The following TRPM3 variants were observed in gnomAD, a reference collection of about 807,000 sequenced individuals.
TRPM3 encodes transient receptor potential cation channel subfamily M member 3, also known as long transient receptor potential channel 3.
In TRPM3, 77 loss-of-function variants were observed where a neutral mutation model predicts 181.2. That is an observed-to-expected ratio of 0.42 (90% CI 0.35 to 0.51). The LOEUF (loss-of-function observed/expected upper bound fraction) is 0.51, where lower values mean the gene tolerates loss of function less well. TRPM3 is among the 20% of genes least tolerant of loss of function. TRPM3 has a pLI of 0.01. For synonymous variants in TRPM3, 745 were observed against 796.4 expected (o/e 0.94, Z 1.09); for missense variants, 1,759 against 2,196.7 (o/e 0.80, Z 3.98).
chr9:71,230,704 G>A (rs1927945), intron 1 of TRPM3, among the ~76,000 whole-genome samples: 102,833 of 152,002 alleles, frequency 0.68, 34,894 homozygotes, highest in African/African-American at 0.69. Context: ...CTTGATTTAG[G>A]TTGCTCATGC....
At chr9:70,908,087 C>T (rs1452433457) in intron 1 of TRPM3, among the ~76,000 whole-genome samples, 1 of 152,054 alleles carries the variant, frequency 6.6e-6, no homozygotes, top group East Asian at 1.9e-4. Context: ...GGGATTTAAG[C>T]TCAATGCCAA....
chr9:71,082,848 A>G (rs926537600), intron 1 of TRPM3, among the ~76,000 whole-genome samples: 1 of 152,188 alleles, frequency 6.6e-6, no homozygotes, highest in African/African-American at 2.4e-5. Flanking sequence ...TAAAAACACA[A>G]TAGATATTAA....
intron 1 of TRPM3, among the ~76,000 whole-genome samples, chr9:71,138,800 C>T (rs545948113): frequency 1.3e-5 from 2 of 152,248 alleles, no homozygotes; most frequent in Admixed American, 6.5e-5. Flanking sequence ...TTGATCCCCT[C>T]GGTGTACTTA....
chr9:71,381,867 AAAG>A (rs146284525), intron 1 of TRPM3, among the ~76,000 whole-genome samples: 2,922 of 152,210 alleles, frequency 0.019, 79 homozygotes, highest in South Asian at 0.097. Context: ...CCCAGCACCT[AAAG>A]AAGGGCCTGG....
intron 1 of TRPM3, among the ~76,000 whole-genome samples, chr9:71,029,040 C>T (rs1441324972): frequency 1.3e-5 from 2 of 152,146 alleles, no homozygotes; most frequent in South Asian, 4.1e-4. Context: ...CAAAACAATG[C>T]TCAGCAAATG....
chr9:70,967,737 T>A (rs1205521938), intron 1 of TRPM3, among the ~76,000 whole-genome samples: 1 of 152,104 alleles, frequency 6.6e-6, no homozygotes, highest in Non-Finnish European at 1.5e-5. Context: ...ATTCTTAGCA[T>A]CATTATGATG....
chr9:71,131,621 G>A (rs1190306218), intron 1 of TRPM3, among the ~76,000 whole-genome samples: 1 of 152,100 alleles, frequency 6.6e-6, no homozygotes, highest in Non-Finnish European at 1.5e-5. Context: ...GGTGACTATT[G>A]CTTGTCTATA....
chr9:71,003,206 A>C (rs954228391), intron 1 of TRPM3, among the ~76,000 whole-genome samples: 1 of 142,774 alleles, frequency 7.0e-6, no homozygotes, highest in African/African-American at 2.5e-5. Context: ...AAAAAAAAAA[A>C]AAAAACACTT....
At chr9:70,925,019 A>C (rs1042400909) in intron 1 of TRPM3, among the ~76,000 whole-genome samples, 1 of 152,188 alleles carries the variant, frequency 6.6e-6, no homozygotes, top group African/African-American at 2.4e-5. Context: ...GCCATTTCAT[A>C]ACGTGAATTG....
intron 1 of TRPM3, among the ~76,000 whole-genome samples, chr9:70,898,137 C>T (rs2096310032): frequency 6.7e-6 from 1 of 149,808 alleles, no homozygotes; most frequent in Non-Finnish European, 1.5e-5. Flanking sequence ...TTTTTGGTGG[C>T]TGGGGGACGG....
intron 1 of TRPM3, among the ~76,000 whole-genome samples, chr9:70,880,737 T>C (rs534871398): frequency 2.6e-5 from 4 of 152,294 alleles, no homozygotes; most frequent in African/African-American, 9.6e-5. Context: ...ACCTCATTGA[T>C]AGCTTCCTCA....
chr9:71,355,444 C>T (rs2091855346), intron 1 of TRPM3, among the ~76,000 whole-genome samples: 1 of 152,124 alleles, frequency 6.6e-6, no homozygotes, highest in Non-Finnish European at 1.5e-5. Context: ...ACCACCAGAA[C>T]CTAGGAGAGA....
intron 1 of TRPM3, among the ~76,000 whole-genome samples, chr9:71,353,262 T>A (rs1414565602): frequency 1.3e-5 from 2 of 152,152 alleles, no homozygotes; most frequent in South Asian, 4.1e-4. Flanking sequence ...TGACTCCCTA[T>A]GTTCCTCTAC....
At chr9:70,969,257 C>CGA (rs777331676) in intron 1 of TRPM3, among the ~76,000 whole-genome samples, 124 of 151,822 alleles carry the variant, frequency 8.2e-4, no homozygotes, top group Non-Finnish European at 1.4e-3. Context: ...GGGAACATCA[C>CGA]ACACCAGGGC....
At chr9:70,762,891 A>T (rs1009875757) in intron 7 of TRPM3, among the ~76,000 whole-genome samples, 1 of 152,280 alleles carries the variant, frequency 6.6e-6, no homozygotes, top group Middle Eastern at 3.4e-3. Context: ...AGTGGATCAC[A>T]CCACTGCCTC....
At chr9:71,434,817 T>A (rs959771721) in intron 1 of TRPM3, among the ~76,000 whole-genome samples, 1 of 152,190 alleles carries the variant, frequency 6.6e-6, no homozygotes, top group Non-Finnish European at 1.5e-5. Flanking sequence ...AACAGTGATG[T>A]ATAATAATTA....
At chr9:70,823,807 T>C (rs941865927) in intron 6 of TRPM3, among the ~76,000 whole-genome samples, 3 of 152,254 alleles carry the variant, frequency 2.0e-5, no homozygotes, top group African/African-American at 7.2e-5. Flanking sequence ...ACTGAAATTG[T>C]TCCTTGCATA....
At chr9:71,161,054 C>T (rs1284144108) in intron 1 of TRPM3, among the ~76,000 whole-genome samples, 2 of 152,124 alleles carry the variant, frequency 1.3e-5, no homozygotes, top group Non-Finnish European at 2.9e-5. Context: ...CCAAAATTCC[C>T]CTTAAAGCTC....
At chr9:70,870,838 T>C (rs1331761808) in intron 1 of TRPM3, among the ~76,000 whole-genome samples, 1 of 152,056 alleles carries the variant, frequency 6.6e-6, no homozygotes, top group Non-Finnish European at 1.5e-5. Context: ...GTGGTAACTA[T>C]GTAGCTAATT....
Sources: allele counts gnomAD v4.1 joint callset (sites outside exome capture counted in the v4.1 genomes callset), GRCh38; gene constraint gnomAD v4.1.1; transcripts MANE v1.5; gene names NCBI Gene and HGNC (gene_info 2026-07-23, HGNC 2026-07-21).